The following SLC35D4 variants were observed in gnomAD, a reference collection of about 807,000 sequenced individuals.
SLC35D4 encodes the protein solute carrier family 35 member D4.
chr18:23,393,118 T>C, the SLC35D4 span, among the ~76,000 whole-genome samples: 4 of 152,096 alleles, frequency 2.6e-5, no homozygotes, highest in Non-Finnish European at 4.4e-5. Flanking sequence ...GGTTTCACCA[T>C]GTTGGCCAGG....
At chr18:23,416,750 T>C in the SLC35D4 span, among the ~76,000 whole-genome samples, 92 of 152,282 alleles carry the variant, frequency 6.0e-4, no homozygotes, top group Non-Finnish European at 9.7e-4. Flanking sequence ...AAGACTTCTG[T>C]GGAGTTTAGC....
At chr18:23,298,177 T>C in the SLC35D4 span, 1 of 1,255,544 alleles carries the variant, frequency 8.0e-7, no homozygotes, top group South Asian at 1.2e-5. Flanking sequence ...CAACTGAGAC[T>C]CATCACCAGC....
the SLC35D4 span, among the ~76,000 whole-genome samples, chr18:23,388,438 C>T: frequency 1.3e-5 from 2 of 152,104 alleles, no homozygotes; most frequent in East Asian, 3.9e-4. Flanking sequence ...GCCACTTGCT[C>T]GAGTATTCAC....
chr18:23,251,719 T>TATACA, the SLC35D4 span, among the ~76,000 whole-genome samples: 1 of 152,210 alleles, frequency 6.6e-6, no homozygotes, highest in Non-Finnish European at 1.5e-5. Flanking sequence ...GTTACCATTA[T>TATACA]ATACATATGG....
the SLC35D4 span, among the ~76,000 whole-genome samples, chr18:23,287,481 T>C: frequency 1.8e-3 from 272 of 152,314 alleles, no homozygotes; most frequent in African/African-American, 6.4e-3. Flanking sequence ...GTTAGCTATC[T>C]CAGCATAATT....
chr18:23,319,089 C>A, the SLC35D4 span, among the ~76,000 whole-genome samples: 5 of 151,820 alleles, frequency 3.3e-5, no homozygotes, highest in African/African-American at 1.2e-4. Context: ...AGTGATCCAC[C>A]CACCTCGGCC....
chr18:23,305,387 A>G, the SLC35D4 span, among the ~76,000 whole-genome samples: 4,280 of 152,266 alleles, frequency 0.028, 190 homozygotes, highest in African/African-American at 0.097. Context: ...GTGTTTTTCA[A>G]TTCAGTTCTA....
the SLC35D4 span, among the ~76,000 whole-genome samples, chr18:23,288,062 C>T: frequency 6.6e-6 from 1 of 152,246 alleles, no homozygotes; most frequent in Non-Finnish European, 1.5e-5. Flanking sequence ...GCTGTACTCA[C>T]TCTTTGTTGA....
chr18:23,285,175 G>A, the SLC35D4 span, among the ~76,000 whole-genome samples: 1 of 151,876 alleles, frequency 6.6e-6, no homozygotes, highest in African/African-American at 2.4e-5. Context: ...CCTCTTATCT[G>A]TGCCCCAACC....
the SLC35D4 span, among the ~76,000 whole-genome samples, chr18:23,268,904 C>T: frequency 6.6e-6 from 1 of 152,164 alleles, no homozygotes; most frequent in African/African-American, 2.4e-5. Context: ...TAAGTACTGA[C>T]TCTAAATCTT....
the SLC35D4 span, chr18:23,365,700 T>C: frequency 5.0e-6 from 8 of 1,609,712 alleles, no homozygotes; most frequent in Non-Finnish European, 6.8e-6. Context: ...AGTCAAGAAG[T>C]TTCCCCGGCA....
chr18:23,312,630 C>G, the SLC35D4 span, among the ~76,000 whole-genome samples: 6 of 152,168 alleles, frequency 3.9e-5, no homozygotes, highest in African/African-American at 1.2e-4. Flanking sequence ...CAAGACTCCT[C>G]TGAAAGGATG....
At chr18:23,262,743 C>A in the SLC35D4 span, among the ~76,000 whole-genome samples, 1 of 152,242 alleles carries the variant, frequency 6.6e-6, no homozygotes, top group Non-Finnish European at 1.5e-5. Flanking sequence ...GGTTGGAAAT[C>A]AGTGCTCAGG....
At chr18:23,287,894 T>A in the SLC35D4 span, among the ~76,000 whole-genome samples, 5 of 152,250 alleles carry the variant, frequency 3.3e-5, no homozygotes, top group Non-Finnish European at 7.3e-5. Context: ...AGGCTGGCCA[T>A]CATGTCTCCA....
chr18:23,308,627 C>T, the SLC35D4 span, among the ~76,000 whole-genome samples: 1 of 152,170 alleles, frequency 6.6e-6, no homozygotes, highest in Non-Finnish European at 1.5e-5. Context: ...GGCAAGAGCC[C>T]CTGGTCTTCT....
the SLC35D4 span, among the ~76,000 whole-genome samples, chr18:23,266,067 A>T: frequency 6.6e-6 from 1 of 152,122 alleles, no homozygotes; most frequent in African/African-American, 2.4e-5. Context: ...AGATACTCTC[A>T]GGGGAAGCCT....
the SLC35D4 span, among the ~76,000 whole-genome samples, chr18:23,268,804 G>A: frequency 2.5e-5 from 2 of 78,530 alleles, no homozygotes; most frequent in East Asian, 4.2e-4. Context: ...GTGTGTGTGC[G>A]TGTGTGTGTG....
At chr18:23,280,918 T>G in the SLC35D4 span, among the ~76,000 whole-genome samples, 2 of 152,020 alleles carry the variant, frequency 1.3e-5, no homozygotes, top group Non-Finnish European at 2.9e-5. Flanking sequence ...CCCCAATTTT[T>G]CCATGCCCTG....
At chr18:23,418,822 G>A in the SLC35D4 span, among the ~76,000 whole-genome samples, 352 of 151,822 alleles carry the variant, frequency 2.3e-3, 1 homozygote, top group Non-Finnish European at 3.9e-3. Flanking sequence ...CCTGGCTAAC[G>A]TGGTTAAACC....
Sources: gnomAD v4.1 joint callset for allele counts (sites outside exome capture counted in the v4.1 genomes callset) on GRCh38, gnomAD v4.1.1 for gene constraint, MANE v1.5 for transcripts, NCBI Gene and HGNC (gene_info 2026-07-23, HGNC 2026-07-21) for gene names.